RERG: variants seen among roughly 807,000 people sequenced by gnomAD.
The protein encoded by RERG is RAS like estrogen regulated growth inhibitor, also known as ras-related and estrogen-regulated growth inhibitor.
Under a neutral mutation model 23.2 loss-of-function variants are expected in RERG, and 25 were observed. The ratio of observed to expected loss-of-function variants is 1.08; its 90% CI spans 0.79 to 1.50. RERG has a LOEUF of 1.50. Among genes scored for constraint, RERG ranks in the 40% most tolerant of loss-of-function variants. The pLI, the probability that RERG is intolerant of heterozygous loss-of-function variation, is 0.00. For missense variants in RERG, 253 were observed against 250.1 expected (o/e 1.01, Z -0.08); for synonymous variants, 81 against 89.1 (o/e 0.91, Z 0.51).
chr12:15,111,767 C>T (rs942557611), intron 3 of RERG, among the ~76,000 whole-genome samples: 9 of 151,298 alleles, frequency 5.9e-5, no homozygotes, highest in African/African-American at 1.9e-4. Flanking sequence ...CACTGAAACC[C>T]GGGTTTCAAG....
At chr12:15,110,161 A>C in intron 4 of RERG, among the ~76,000 whole-genome samples, 1 of 152,114 alleles carries the variant, frequency 6.6e-6, no homozygotes, top group Non-Finnish European at 1.5e-5. Context: ...GGATTCTCAA[A>C]GTGGGTTATC....
rs750160181 is a variant in RERG, at chr12:15,109,474, C to G, written c.236G>C (p.Gly79Ala). The change falls in exon 5 of 5, where the codon GGC (glycine) becomes GCC (alanine). Residue 79 changes from glycine to alanine, a missense_variant. Coordinates refer to ENST00000256953, the MANE Select transcript of RERG (RefSeq NM_032918.3). Reference protein sequence around the residue: ...QREGHMRWGEGFVLVYDITDR... With the variant: ...QREGHMRWGEAFVLVYDITDR... ...AGTAATGTCGTAGACCAGCACAAAG[C>G]CTTCCCCCCATCGCATGTGCCCCTC... The G allele has an allele frequency of 3.4e-5, 55 of 1,612,364 alleles. 1 individual carries two copies. Among genetic ancestry groups the G allele is most frequent in the Non-Finnish European group, 4.5e-5 (53 of 1,179,070 alleles).
intron 2 of RERG, among the ~76,000 whole-genome samples, chr12:15,183,715 A>C (rs766292121): frequency 1.3e-5 from 2 of 152,176 alleles, no homozygotes; most frequent in African/African-American, 2.4e-5. Flanking sequence ...TAGAAAAATA[A>C]TTTTATTGTA....
chr12:15,136,917 T>C (rs976306461), intron 2 of RERG, among the ~76,000 whole-genome samples: 1 of 151,992 alleles, frequency 6.6e-6, no homozygotes, highest in Non-Finnish European at 1.5e-5. Flanking sequence ...TTATATCTAG[T>C]TTATTTATGG....
chr12:15,180,424 T>C (rs188302552), intron 2 of RERG, among the ~76,000 whole-genome samples: 2 of 152,102 alleles, frequency 1.3e-5, no homozygotes, highest in East Asian at 3.9e-4. Flanking sequence ...GGGTCCTGAG[T>C]TGAAAGGCTT....
At chr12:15,189,013 G>A (rs966436778) in intron 2 of RERG, among the ~76,000 whole-genome samples, 1 of 152,166 alleles carries the variant, frequency 6.6e-6, no homozygotes, top group African/African-American at 2.4e-5. Context: ...CCACTACGAT[G>A]TTGTGTAGTG....
chr12:15,111,466 AT>A, intron 3 of RERG, 49 bp from the exon 4 acceptor site: 1 of 1,428,190 alleles, frequency 7.0e-7, no homozygotes, highest in South Asian at 1.2e-5. Context: ...TAAATGCAAG[AT>A]TTAATTTGAT....
At chr12:15,194,431 C>T (rs1865114976) in intron 2 of RERG, among the ~76,000 whole-genome samples, 1 of 151,560 alleles carries the variant, frequency 6.6e-6, no homozygotes. Flanking sequence ...AGAACATGTG[C>T]TTTTGAAAAT....
intron 2 of RERG, among the ~76,000 whole-genome samples, chr12:15,123,964 G>A (rs1333045177): frequency 6.6e-6 from 1 of 152,090 alleles, no homozygotes; most frequent in Non-Finnish European, 1.5e-5. Flanking sequence ...CTAATGTAGG[G>A]AAGACTGTTT....
chr12:15,178,809 A>G (rs1431547108), intron 2 of RERG, among the ~76,000 whole-genome samples: 1 of 152,206 alleles, frequency 6.6e-6, no homozygotes, highest in Non-Finnish European at 1.5e-5. Flanking sequence ...GAGATGTGAA[A>G]AAATGTTTTC....
intron 2 of RERG, among the ~76,000 whole-genome samples, chr12:15,123,571 T>C (rs1294903141): frequency 7.2e-6 from 1 of 138,862 alleles, no homozygotes; most frequent in Non-Finnish European, 1.6e-5. Context: ...TTATTAAATT[T>C]AAATAATAAA....
chr12:15,188,128 C>T (rs911022206), intron 2 of RERG, among the ~76,000 whole-genome samples: 4 of 152,132 alleles, frequency 2.6e-5, no homozygotes, highest in Non-Finnish European at 5.9e-5. Context: ...TGCAAGGCCA[C>T]GTGGCTAATT....
chr12:15,124,375 A>C (rs1214691649), intron 2 of RERG, among the ~76,000 whole-genome samples: 1 of 152,096 alleles, frequency 6.6e-6, no homozygotes, highest in East Asian at 1.9e-4. Flanking sequence ...CTGTACAATA[A>C]ATCAGCTTCA....
At chr12:15,154,515 T>C (rs982388956) in intron 2 of RERG, among the ~76,000 whole-genome samples, 8 of 152,218 alleles carry the variant, frequency 5.3e-5, no homozygotes, top group Non-Finnish European at 7.3e-5. Context: ...TTGTATTTCA[T>C]TTTCTTCGAG....
At chr12:15,112,179 C>T (rs1330907667) in intron 3 of RERG, among the ~76,000 whole-genome samples, 1 of 152,172 alleles carries the variant, frequency 6.6e-6, no homozygotes, top group African/African-American at 2.4e-5. Flanking sequence ...CTACTAATTT[C>T]CTTTCAAACC....
chr12:15,175,405 T>C (rs1419862989), intron 2 of RERG, among the ~76,000 whole-genome samples: 1 of 147,248 alleles, frequency 6.8e-6, no homozygotes, highest in African/African-American at 2.5e-5. Flanking sequence ...ATGCTTTCCA[T>C]GTTCAGGCAG....
chr12:15,175,537 A>C (rs1864839355), intron 2 of RERG, among the ~76,000 whole-genome samples: 1 of 151,990 alleles, frequency 6.6e-6, no homozygotes, highest in Non-Finnish European at 1.5e-5. Context: ...CCTTGCATGT[A>C]AGTGCAGCCA....
intron 3 of RERG, among the ~76,000 whole-genome samples, chr12:15,117,192 C>T (rs888263008): frequency 2.0e-5 from 3 of 149,254 alleles, no homozygotes; most frequent in African/African-American, 7.5e-5. Context: ...ACTTAGCCAG[C>T]ACAGTAACAG....
At position 15,166,649 on chromosome 12, in the gene RERG, A is replaced by G. The variant is rs115323615; in HGVS notation, c.62-45530T>C. On this transcript the variant is annotated intron_variant, in intron 2 of 4. Transcript: ENST00000256953. ...CATTATGTGAAATTCACATCAGCATATATGAAATGACTTTATGGTAAGATA... is the reference window on the plus strand; with the variant it reads ...CATTATGTGAAATTCACATCAGCATGTATGAAATGACTTTATGGTAAGATA... Among the ~76,000 whole-genome samples, 362 of 152,006 alleles carry G rather than the reference A, an allele frequency of 2.4e-3. 1 individual carries two copies. Among genetic ancestry groups the G allele is most frequent in the African/African-American group, 8.6e-3 (355 of 41,462 alleles).
Sources: allele counts gnomAD v4.1 joint callset (sites outside exome capture counted in the v4.1 genomes callset), GRCh38; gene constraint gnomAD v4.1.1; transcripts MANE v1.5; gene names NCBI Gene and HGNC (gene_info 2026-07-23, HGNC 2026-07-21).